Variants in RPS6KA2 observed in about 807,000 individuals in gnomAD.
The protein encoded by RPS6KA2 is ribosomal protein S6 kinase alpha-2.
A neutral mutation model predicts 91.8 loss-of-function variants in RPS6KA2; 42 were observed. The ratio of observed to expected loss-of-function variants is 0.46; its 90% CI spans 0.36 to 0.59. RPS6KA2 has a LOEUF of 0.59. Among genes scored for constraint, RPS6KA2 ranks in the 20% least tolerant of loss-of-function variants. RPS6KA2 has a pLI of 0.00. For synonymous variants in RPS6KA2, 414 were observed against 393.6 expected, an observed-to-expected ratio of 1.05 and a Z score of -0.61; for missense variants, 798 against 978.5, an observed-to-expected ratio of 0.82 and a Z score of 2.46.
chr6:166,514,349 A>C (rs991550402), intron 3 of RPS6KA2, among the ~76,000 whole-genome samples: 5 of 152,186 alleles, frequency 3.3e-5, no homozygotes, highest in African/African-American at 1.2e-4. Flanking sequence ...CCAGAGGGTG[A>C]CCAGTCCCAC....
chr6:166,433,988 G>T lies in RPS6KA2; in HGVS notation c.1333-1498C>A, dbSNP rs1779216960. On this transcript the variant is annotated intron_variant, in intron 14 of 20. Coordinates refer to ENST00000265678, the MANE Select transcript of RPS6KA2 (RefSeq NM_021135.6). The surrounding 1 kb of genome is among the most constrained non-coding windows in gnomAD (Gnocchi z 4.4). ...TTGCCCAGGCTGGTCTCTAACTCCTGGCTTCAAGTGATCCTCCTGCCTCAG... is the reference window on the plus strand; with the variant it reads ...TTGCCCAGGCTGGTCTCTAACTCCTTGCTTCAAGTGATCCTCCTGCCTCAG... 1.3e-5 allele frequency among the ~76,000 whole-genome samples: 2 copies of T among 152,100 alleles called. No homozygotes were observed. Among genetic ancestry groups the T allele is most frequent in the Non-Finnish European group, 2.9e-5 (2 of 68,014 alleles).
At position 166,648,249 on chromosome 6, in the gene RPS6KA2, GGC is replaced by G. The variant is rs1340249331; in HGVS notation, c.124-109467_124-109466del. On this transcript the variant is annotated intron_variant, in intron 2 of 21. Transcript: ENST00000503859. This position sits in a 1 kb window ranked among gnomAD's most constrained non-coding sequence, Gnocchi z 4.8. ...ATGCGCACACACACACATTCACACAGGCACACACACTCATGTTCATACACACG... is the reference window on the plus strand; with the variant it reads ...ATGCGCACACACACACATTCACACAGACACACACTCATGTTCATACACACG... 1.7e-5 allele frequency among the ~76,000 whole-genome samples: 2 copies of G among 118,818 alleles called. No individual in the cohort carries two copies. The highest frequency in any genetic ancestry group is 9.4e-5 in the Admixed American group (1 of 10,694). The allele number at this position is 118,818 out of a possible 152,430, so 77.9% of individuals were successfully genotyped here.
intron 11 of RPS6KA2, among the ~76,000 whole-genome samples, chr6:166,464,730 G>T (rs1780457633): frequency 6.6e-6 from 1 of 152,196 alleles, no homozygotes; most frequent in African/African-American, 2.4e-5. Flanking sequence ...GCTTCTATCT[G>T]CTGGACTCTG....
chr6:166,725,384 A>C (rs1790303573), intron 2 of RPS6KA2, among the ~76,000 whole-genome samples: 1 of 152,196 alleles, frequency 6.6e-6, no homozygotes, highest in Non-Finnish European at 1.5e-5. Context: ...TATTATAATG[A>C]CAGAGACTAG....
Position 166,733,771 on chromosome 6 carries a change from T to A in RPS6KA2, c.123+124429A>T, listed in dbSNP as rs1790598309. ...GCCCTGGTAGGTGCCATCCCTAAAC[T>A]GTTTGGGAGAGAAGAGGAAGAGAGA... is the stretch of plus-strand genomic sequence containing the variant. On this transcript the variant is annotated intron_variant, in intron 2 of 21. Coordinates refer to the RPS6KA2 transcript ENST00000503859. This position sits in a 1 kb window ranked among gnomAD's most constrained non-coding sequence, Gnocchi z 4.1. Among the ~76,000 whole-genome samples, 1 of 152,118 alleles carries A rather than the reference T, an allele frequency of 6.6e-6. No homozygotes were observed. The highest frequency in any genetic ancestry group is 1.5e-5 in the Non-Finnish European group (1 of 68,010).
intron 2 of RPS6KA2, among the ~76,000 whole-genome samples, chr6:166,703,567 C>T (rs1789593850): frequency 6.6e-6 from 1 of 152,224 alleles, no homozygotes; most frequent in Admixed American, 6.5e-5. Context: ...AAGAGGCTGA[C>T]ATACAGGAGA....
chr6:166,729,884 C>T (rs1042258770), intron 2 of RPS6KA2, among the ~76,000 whole-genome samples: 1 of 152,126 alleles, frequency 6.6e-6, no homozygotes, highest in Admixed American at 6.6e-5. Flanking sequence ...ATTCAAGGGC[C>T]CTTCTCATCA....
chr6:166,420,709 A>C (rs1423807535), intron 17 of RPS6KA2, among the ~76,000 whole-genome samples: 1 of 152,120 alleles, frequency 6.6e-6, no homozygotes, highest in African/African-American at 2.4e-5. Context: ...GGGTGGACAC[A>C]TGTCTCTTTG....
chr6:166,648,038 TCTCACACACATGCACATG>T lies in RPS6KA2; in HGVS notation c.124-109272_124-109255del, dbSNP rs1231061311. 1.8e-4 allele frequency among the ~76,000 whole-genome samples: 20 copies of T among 108,572 alleles called. 1 individual carries two copies. The highest frequency in any genetic ancestry group is 1.3e-3 in the Admixed American group (14 of 11,118). The allele number at this position is 108,572 out of a possible 152,430, so 71.2% of individuals were successfully genotyped here. On this transcript the variant is annotated intron_variant, in intron 2 of 21. Transcript: ENST00000503859. The surrounding 1 kb of genome is among the most constrained non-coding windows in gnomAD (Gnocchi z 4.8). ...CTTACACACATACATACACACATGC[TCTCACACACATGCACATG>T]CTCACACACATGCACACGCACATGG...
intron 4 of RPS6KA2, among the ~76,000 whole-genome samples, 198 bp downstream of exon 4, chr6:166,510,079 C>T (rs1343617059): frequency 6.6e-6 from 1 of 152,150 alleles, no homozygotes; most frequent in African/African-American, 2.4e-5. Context: ...AACAGGGCTT[C>T]TTGCTCTTTC....
upstream of RPS6KA2, chr6:166,627,903 C>A (rs1199116775): frequency 6.6e-6 from 1 of 152,254 alleles, no homozygotes; most frequent in Admixed American, 6.5e-5. Context: ...CGCCGCCTGC[C>A]AGCGGGCCCT....
At chr6:166,822,104 G>A (rs567330467) in intron 2 of RPS6KA2, among the ~76,000 whole-genome samples, 1 of 152,308 alleles carries the variant, frequency 6.6e-6, no homozygotes, top group East Asian at 1.9e-4. Flanking sequence ...CCCCTGCCCT[G>A]TCAGTCTTGT....
chr6:166,487,427 G>A (rs1030514724), intron 10 of RPS6KA2, among the ~76,000 whole-genome samples: 6 of 152,144 alleles, frequency 3.9e-5, no homozygotes, highest in East Asian at 1.9e-4. Context: ...AGAGGTGCTC[G>A]GTGACAAGGA....
At chr6:166,735,849 G>A (rs75103876) in intron 2 of RPS6KA2, among the ~76,000 whole-genome samples, 14,802 of 152,220 alleles carry the variant, frequency 0.097, 1,377 homozygotes, top group African/African-American at 0.25. Flanking sequence ...GTCTGTGGCC[G>A]AGGGGTTGAG....
At chr6:166,743,120 T>C (rs893185646) in intron 2 of RPS6KA2, among the ~76,000 whole-genome samples, 2 of 152,224 alleles carry the variant, frequency 1.3e-5, no homozygotes, top group Non-Finnish European at 2.9e-5. Context: ...CATATCTCTC[T>C]AGCAACTGGC....
At chr6:166,788,645 T>C (rs1211262750) in intron 2 of RPS6KA2, among the ~76,000 whole-genome samples, 1 of 151,942 alleles carries the variant, frequency 6.6e-6, no homozygotes, top group African/African-American at 2.4e-5. Context: ...ATGAGACCAC[T>C]TGGACTCAGG....
chr6:166,820,267 C>T (rs1264610137), intron 2 of RPS6KA2, among the ~76,000 whole-genome samples: 2 of 152,206 alleles, frequency 1.3e-5, no homozygotes, highest in Non-Finnish European at 2.9e-5. Context: ...CGACCAGCCT[C>T]CCATGTCTGT....
chr6:166,757,711 T>A, intron 2 of RPS6KA2: 1 of 400,964 alleles, frequency 2.5e-6, no homozygotes, highest in African/African-American at 2.1e-5. Flanking sequence ...CCCGCACACC[T>A]CCTCTTCCCT....
At chr6:166,461,814 C>A (rs1780319975) in intron 11 of RPS6KA2, among the ~76,000 whole-genome samples, 1 of 152,220 alleles carries the variant, frequency 6.6e-6, no homozygotes, top group African/African-American at 2.4e-5. Flanking sequence ...CTCCTCCGTG[C>A]CAGCTCTTCC....
Sources: allele counts gnomAD v4.1 joint callset (sites outside exome capture counted in the v4.1 genomes callset), GRCh38; gene constraint gnomAD v4.1.1; non-coding constraint Gnocchi (gnomAD v3.1); transcripts MANE v1.5; gene names NCBI Gene and HGNC (gene_info 2026-07-23, HGNC 2026-07-21).